The following ADAM18 variants were observed in gnomAD, a reference collection of about 807,000 sequenced individuals.
ADAM18 encodes the protein disintegrin and metalloproteinase domain-containing protein 18.
In ADAM18, 117 loss-of-function variants were observed where a neutral mutation model predicts 94.4. That is an observed-to-expected ratio of 1.24 (90% CI 1.07 to 1.45). ADAM18 has a LOEUF of 1.45. Among genes scored for constraint, ADAM18 ranks in the 40% most tolerant of loss-of-function variants. The probability of loss-of-function intolerance (pLI) is 0.00; values close to 1 mark genes in which losing one functional copy is unlikely to be tolerated. For missense variants in ADAM18, 936 were observed against 880.0 expected, an observed-to-expected ratio of 1.06 and a Z score of -0.81; for synonymous variants, 327 against 291.6, an observed-to-expected ratio of 1.12 and a Z score of -1.24.
intron 12 of ADAM18, among the ~76,000 whole-genome samples, chr8:39,660,579 T>C (rs1310161444): frequency 1.3e-5 from 2 of 152,114 alleles, no homozygotes; most frequent in East Asian, 3.8e-4. Context: ...CTGAAGTACC[T>C]AAGTATATAA....
intron 17 of ADAM18, among the ~76,000 whole-genome samples, chr8:39,694,074 T>C (rs1462207601): frequency 6.6e-6 from 1 of 151,290 alleles, no homozygotes; most frequent in African/African-American, 2.4e-5. Flanking sequence ...AAATTAGTAA[T>C]CTAAGCATCA....
At chr8:39,599,487 G>A (rs1300257298) in intron 2 of ADAM18, among the ~76,000 whole-genome samples, 1 of 151,980 alleles carries the variant, frequency 6.6e-6, no homozygotes, top group African/African-American at 2.4e-5. Context: ...TCTGGGCCTG[G>A]TGCTTCCTGT....
chr8:39,699,475 AAC>A (rs1292079224), intron 17 of ADAM18, among the ~76,000 whole-genome samples: 2 of 152,050 alleles, frequency 1.3e-5, no homozygotes, highest in Non-Finnish European at 2.9e-5. Context: ...TTTTAGGATA[AAC>A]CCTCCTTAGT....
intron 10 of ADAM18, among the ~76,000 whole-genome samples, chr8:39,639,131 T>G (rs1325583441): frequency 6.6e-6 from 1 of 151,932 alleles, no homozygotes; most frequent in Non-Finnish European, 1.5e-5. Flanking sequence ...ATATAGTATA[T>G]AGATAAAATT....
rs144668239 is a variant in ADAM18 at position 39,700,769 on chromosome 8, G to A, written c.1903-6021G>A. 2.7e-3 allele frequency among the ~76,000 whole-genome samples: 409 copies of A among 151,920 alleles called. 5 individuals carry two copies. The highest frequency in any genetic ancestry group is 9.5e-3 in the African/African-American group (393 of 41,424). On this transcript the variant is annotated intron_variant, in intron 17 of 19. Transcript: ENST00000265707. Reference sequence around the variant, plus strand: ...TTTGCTCAAAACTAATAATGAATTTGGACCTGCTGTTCATATAAGACTTAG... The same window carrying A: ...TTTGCTCAAAACTAATAATGAATTTAGACCTGCTGTTCATATAAGACTTAG...
chr8:39,716,076 T>C (rs1399205714), intron 18 of ADAM18, among the ~76,000 whole-genome samples: 3 of 152,014 alleles, frequency 2.0e-5, no homozygotes, highest in African/African-American at 7.2e-5. Context: ...ATTTTATTTA[T>C]TTGCATTTTC....
At position 39,657,808 on chromosome 8, in the gene ADAM18, A is replaced by G. The variant is rs150149471; in HGVS notation, c.1231-5987A>G. Among the ~76,000 whole-genome samples, 971 of 152,318 alleles carry G rather than the reference A, an allele frequency of 6.4e-3. 5 individuals are homozygous for G. The highest frequency in any genetic ancestry group is 0.022 in the African/African-American group (923 of 41,560). ...ATTTTGAATGAAAAAGACGTGAAAGAACAAAGCCTTTATAGTCTTAAAAAT... is the reference window on the plus strand; with the variant it reads ...ATTTTGAATGAAAAAGACGTGAAAGGACAAAGCCTTTATAGTCTTAAAAAT... On this transcript the variant is annotated intron_variant, in intron 12 of 19. Transcript: ENST00000265707.
chr8:39,683,214 T>C (rs529395108), intron 16 of ADAM18, among the ~76,000 whole-genome samples: 2 of 152,278 alleles, frequency 1.3e-5, no homozygotes, highest in South Asian at 4.1e-4. Flanking sequence ...CCAAAAGACC[T>C]TGAGGAAATG....
intron 18 of ADAM18, among the ~76,000 whole-genome samples, chr8:39,720,213 C>T (rs923306614): frequency 2.6e-5 from 4 of 151,378 alleles, no homozygotes; most frequent in Non-Finnish European, 5.9e-5. Flanking sequence ...ACAAAGAATA[C>T]ATACAGTCTT....
intron 18 of ADAM18, among the ~76,000 whole-genome samples, chr8:39,719,122 G>T (rs1391051231): frequency 6.6e-6 from 1 of 151,318 alleles, no homozygotes; most frequent in African/African-American, 2.4e-5. Context: ...AGTCAGCGTG[G>T]TACTGTCATT....
Position 39,729,896 on chromosome 8 carries a change from A to C in ADAM18, c.2178-2A>C. 1 of 1,613,006 alleles carries C rather than the reference A, an allele frequency of 6.2e-7. No homozygotes were observed. The highest frequency in any genetic ancestry group is 1.1e-5 in the South Asian group (1 of 91,040). Reference sequence around the variant, plus strand: ...TATTTTTTCTGTTTTTCTTCACTATAGTAATTCATCCGTTGTATCAGAAAG... The same window carrying C: ...TATTTTTTCTGTTTTTCTTCACTATCGTAATTCATCCGTTGTATCAGAAAG... On this transcript the variant is annotated splice_acceptor_variant, in intron 19 of 19. Coordinates refer to ENST00000265707, the MANE Select transcript of ADAM18 (RefSeq NM_014237.3). LOFTEE classifies it high-confidence loss of function.
chr8:39,612,073 A>T (rs1397521606), intron 6 of ADAM18, among the ~76,000 whole-genome samples: 1 of 152,132 alleles, frequency 6.6e-6, no homozygotes, highest in Non-Finnish European at 1.5e-5. Flanking sequence ...ATAAACAATT[A>T]CCTTGAATGT....
At position 39,637,803 on chromosome 8, in the gene ADAM18, T is replaced by C. The variant is rs1364066227; in HGVS notation, c.827+100T>C. 5 of 1,159,622 alleles carry C rather than the reference T, an allele frequency of 4.3e-6. No individual in the cohort carries two copies. In the South Asian group the frequency reaches 8.6e-5, roughly 20 times the overall value. The allele number at this position is 1,159,622 out of a possible 1,614,324, so 71.8% of individuals were successfully genotyped here. ...GTTCTTCAGTTTTTTGTAAGCCCCT[T>C]TGGAAGTGTTTAAAAATTAGTAGCC... On this transcript the variant is annotated intron_variant, in intron 9 of 19. Transcript: ENST00000265707.
chr8:39,613,285 A>G (rs1819332655), intron 6 of ADAM18, among the ~76,000 whole-genome samples: 1 of 152,204 alleles, frequency 6.6e-6, no homozygotes, highest in Admixed American at 6.5e-5. Context: ...CACAGCAGGT[A>G]CTTAACCTTG....
chr8:39,640,272 T>A (rs1209064031), intron 10 of ADAM18, among the ~76,000 whole-genome samples: 3 of 152,070 alleles, frequency 2.0e-5, no homozygotes, highest in Non-Finnish European at 4.4e-5. Flanking sequence ...TAAGTGAGAA[T>A]ATGTGGTATT....
At chr8:39,725,415 G>T (rs576765300) in intron 19 of ADAM18, among the ~76,000 whole-genome samples, 75 of 152,062 alleles carry the variant, frequency 4.9e-4, no homozygotes, top group African/African-American at 1.8e-3. Flanking sequence ...TTAGCTATAG[G>T]TACTGTGGTG....
intron 2 of ADAM18, among the ~76,000 whole-genome samples, chr8:39,602,208 T>C (rs1818928317): frequency 6.6e-6 from 1 of 152,198 alleles, no homozygotes. Context: ...AATCATATAA[T>C]AATTCTATAT....
intron 5 of ADAM18, among the ~76,000 whole-genome samples, chr8:39,609,856 T>A (rs1337425509): frequency 1.3e-5 from 2 of 152,140 alleles, no homozygotes; most frequent in African/African-American, 4.8e-5. Flanking sequence ...CAAATAGTTA[T>A]GGAAAATGGC....
intron 2 of ADAM18, among the ~76,000 whole-genome samples, chr8:39,604,309 C>T (rs1291865909): frequency 6.6e-6 from 1 of 152,174 alleles, no homozygotes; most frequent in Non-Finnish European, 1.5e-5. Context: ...AATTATAGAA[C>T]TAGTTTTTTG....
Sources: allele counts gnomAD v4.1 joint callset (sites outside exome capture counted in the v4.1 genomes callset), GRCh38; gene constraint gnomAD v4.1.1; transcripts MANE v1.5; gene names NCBI Gene and HGNC (gene_info 2026-07-23, HGNC 2026-07-21).